Variants in POLR3A observed in about 807,000 individuals in gnomAD.
POLR3A encodes the protein RNA polymerase III subunit A.
Under a neutral mutation model 152.8 loss-of-function variants are expected in POLR3A, and 112 were observed. The observed-to-expected ratio is 0.73, with a 90% CI of 0.63 to 0.86. POLR3A has a LOEUF of 0.86. POLR3A is among the 40% of genes least tolerant of loss of function. The pLI is 0.00. For synonymous variants in POLR3A, 615 were observed against 652.1 expected, an observed-to-expected ratio of 0.94 and a Z score of 0.87; for missense variants, 1,385 against 1,743.1, an observed-to-expected ratio of 0.79 and a Z score of 3.66.
chr10:77,993,432 G>A, intron 19 of POLR3A, 65 bp from the exon 20 acceptor site: 1 of 1,210,262 alleles, frequency 8.3e-7, no homozygotes, highest in Non-Finnish European at 1.2e-6. Flanking sequence ...GAGAGGATAA[G>A]ATTTGCAACT....
intron 19 of POLR3A, among the ~76,000 whole-genome samples, chr10:77,994,573 G>A (rs868807264): frequency 1.3e-5 from 2 of 151,450 alleles, no homozygotes; most frequent in Non-Finnish European, 2.9e-5. Flanking sequence ...GATGGAAGAC[G>A]TAATGAATGA....
intron 24 of POLR3A, 45 bp downstream of exon 24, chr10:77,985,125 A>G: frequency 3.3e-6 from 5 of 1,502,636 alleles, no homozygotes; most frequent in Non-Finnish European, 4.6e-6. Context: ...TTCTCAGGAA[A>G]CAGGACAGGC....
In POLR3A at chr10:77,995,830, T is replaced by C. The variant is rs899581742; in HGVS notation, c.2617-2463A>G. ...GCGGACCTAATAGACATCTACAGAATTCTCCACCCCAAATCAACAGAATAT... is the reference window on the plus strand; with the variant it reads ...GCGGACCTAATAGACATCTACAGAACTCTCCACCCCAAATCAACAGAATAT... On this transcript the variant is annotated intron_variant, in intron 19 of 30. Coordinates refer to ENST00000372371, the MANE Select transcript of POLR3A (RefSeq NM_007055.4). Among the ~76,000 whole-genome samples the C allele has an allele frequency of 2.0e-3, 305 of 152,026 alleles. 1 individual carries two copies. The highest frequency in any genetic ancestry group is 5.9e-3 in the African/African-American group (244 of 41,466).
At chr10:78,012,141 G>A (rs1044413256) in intron 11 of POLR3A, among the ~76,000 whole-genome samples, 3 of 152,152 alleles carry the variant, frequency 2.0e-5, no homozygotes, top group African/African-American at 7.2e-5. Context: ...GAATCGGGCG[G>A]ATCACCTGAG....
At chr10:77,978,910 C>T (rs1043043606) in intron 30 of POLR3A, among the ~76,000 whole-genome samples, 1 of 152,072 alleles carries the variant, frequency 6.6e-6, no homozygotes, top group African/African-American at 2.4e-5. Flanking sequence ...GATCCACCCG[C>T]CTTGGCCTCC....
At chr10:78,017,218 A>G (rs1847533097) in intron 10 of POLR3A, among the ~76,000 whole-genome samples, 1 of 152,062 alleles carries the variant, frequency 6.6e-6, no homozygotes, top group Non-Finnish European at 1.5e-5. Context: ...TGAGCCCAAG[A>G]GTTCCAGACT....
chr10:78,002,114 G>T, intron 17 of POLR3A, 83 bp downstream of exon 17: 1 of 735,602 alleles, frequency 1.4e-6, no homozygotes, highest in South Asian at 1.7e-5. Flanking sequence ...TGTCTGTTTG[G>T]AGCTGTGACT....
At chr10:77,990,392 T>G (rs1847236286) in intron 21 of POLR3A, among the ~76,000 whole-genome samples, 2 of 152,154 alleles carry the variant, frequency 1.3e-5, no homozygotes, top group African/African-American at 4.8e-5. Flanking sequence ...GGATTCAGAA[T>G]GATTGAGGGA....
At chr10:77,995,711 G>A (rs1390590099) in intron 19 of POLR3A, among the ~76,000 whole-genome samples, 2 of 152,088 alleles carry the variant, frequency 1.3e-5, no homozygotes, top group Non-Finnish European at 2.9e-5. Flanking sequence ...CAATAATAAT[G>A]GGAGACTTTA....
chr10:78,022,166 G>A lies in POLR3A; in HGVS notation c.864C>T (p.Phe288=), dbSNP rs764364652. ...DLTMKLTEII[F]LNDVIKKHRI... is the part of the protein sequence containing the mutation. ...TGACCTTTTTAATAACATCGTTTAGGAAAATGATTTCTGTCAGTTTCATTG... is the reference window on the plus strand; with the variant it reads ...TGACCTTTTTAATAACATCGTTTAGAAAAATGATTTCTGTCAGTTTCATTG... Residue 288 remains phenylalanine, a synonymous_variant, in exon 6 of 31, where the codon TTC becomes TTT. Coordinates refer to ENST00000372371, the MANE Select transcript of POLR3A (RefSeq NM_007055.4). The A allele has an allele frequency of 4.3e-5, 70 of 1,614,050 alleles. No individual in the cohort carries two copies. The highest frequency in any genetic ancestry group is 5.8e-5 in the Non-Finnish European group (68 of 1,180,020).
At chr10:77,992,029 C>T (rs1406902619) in intron 20 of POLR3A, among the ~76,000 whole-genome samples, 1 of 152,204 alleles carries the variant, frequency 6.6e-6, no homozygotes, top group Non-Finnish European at 1.5e-5. Context: ...AGGGAAACTA[C>T]TGGGTCAAAA....
Position 77,982,243 on chromosome 10 carries a change from T to C in POLR3A, c.3670A>G (p.Lys1224Glu). Residue 1224 changes from lysine (K) to glutamate (E), a missense_variant, in exon 28 of 31, where the codon AAG (lysine) becomes GAG (glutamate). This residue lies in a region of POLR3A where 332 missense variants were observed against 400.1 expected (regional missense o/e 0.83). Transcript: ENST00000372371. ...IDEQSGKEKY[K>E]LLVEGDNLRA... ...AGGTTATCACCTTCCACCAGAAGCT[T>C]GTACTTCTCCTTTCCACTCTGCTCG... 1 of 1,613,754 alleles carries C rather than the reference T, an allele frequency of 6.2e-7. No homozygotes were observed. Among genetic ancestry groups the C allele is most frequent in the Non-Finnish European group, 8.5e-7 (1 of 1,179,872 alleles).
At chr10:78,020,912 T>G (rs540104197) in intron 8 of POLR3A, among the ~76,000 whole-genome samples, 2 of 152,214 alleles carry the variant, frequency 1.3e-5, no homozygotes, top group East Asian at 3.8e-4. Flanking sequence ...AAATTAACTA[T>G]GGATAATGTT....
chr10:78,005,367 T>A (rs1017374389), intron 15 of POLR3A, among the ~76,000 whole-genome samples: 2 of 152,226 alleles, frequency 1.3e-5, no homozygotes, highest in East Asian at 3.9e-4. Context: ...TAGTCCCAGC[T>A]ACTTGGGAGG....
chr10:77,990,907 C>G (rs1369141485), intron 21 of POLR3A, 147 bp downstream of exon 21: 2 of 656,924 alleles, frequency 3.0e-6, no homozygotes. Flanking sequence ...AGCCACCATG[C>G]CTGGCCCATT....
intron 14 of POLR3A, 85 bp from the exon 15 acceptor site, chr10:78,007,951 T>C: frequency 8.7e-7 from 1 of 1,145,082 alleles, no homozygotes; most frequent in Non-Finnish European, 1.3e-6. Context: ...TGAGAAAATA[T>C]GTTCCCATAC....
intron 9 of POLR3A, 151 bp downstream of exon 9, chr10:78,019,011 C>A: frequency 2.9e-6 from 2 of 695,244 alleles, no homozygotes; most frequent in East Asian, 2.7e-5. Flanking sequence ...AAATGACATA[C>A]CTTGGCTCAC....
At chr10:77,996,811 A>G (rs1847305802) in intron 19 of POLR3A, among the ~76,000 whole-genome samples, 1 of 152,222 alleles carries the variant, frequency 6.6e-6, no homozygotes, top group Non-Finnish European at 1.5e-5. Flanking sequence ...AACTCATTTT[A>G]TGAGGCCAGC....
At chr10:78,020,241 C>G (rs1032179746) in intron 8 of POLR3A, 2 of 149,280 alleles carry the variant, frequency 1.3e-5, no homozygotes, top group Non-Finnish European at 3.0e-5. Flanking sequence ...CTTTCAGTGA[C>G]TTGGGAGGCT....
Sources: gnomAD v4.1 joint callset for allele counts (sites outside exome capture counted in the v4.1 genomes callset) on GRCh38, gnomAD v4.1.1 for gene constraint, gnomAD v4.1.1 regional missense constraint, MANE v1.5 for transcripts, NCBI Gene and HGNC (gene_info 2026-07-23, HGNC 2026-07-21) for gene names.